Variants in RYR2 observed in about 807,000 individuals in gnomAD.
RYR2 encodes the protein cardiac muscle ryanodine receptor-calcium release channel.
A neutral mutation model predicts 601.1 loss-of-function variants in RYR2; 227 were observed. The observed-to-expected ratio is 0.38, with a 90% CI of 0.34 to 0.42. The LOEUF is 0.42. RYR2 is among the 10% of genes least tolerant of loss of function. The pLI is 1.00. For synonymous variants in RYR2, 2,223 were observed against 2,175.1 expected (o/e 1.02, Z -0.61); for missense variants, 4,646 against 6,156.5 (o/e 0.75, Z 8.21).
chr1:237,655,963 C>G lies in RYR2; in HGVS notation c.8108C>G (p.Pro2703Arg). 6.2e-7 allele frequency: 1 copy of G among 1,613,366 alleles called. No individual in the cohort carries two copies. The highest frequency in any genetic ancestry group is 8.5e-7 in the Non-Finnish European group (1 of 1,179,612). The stretch of plus-strand genomic sequence containing the variant: ...ATGGATTCTGAAGGGAACTTTAACC[C>G]ACAACCTGTTGATACCTCAAAGTAT... Reference protein sequence around the residue: ...SSMDSEGNFNPQPVDTSNITI... With the variant: ...SSMDSEGNFNRQPVDTSNITI... Residue 2703 changes from proline (P) to arginine (R), a missense_variant, in exon 53 of 105, where the codon CCA becomes CGA. This residue lies in a region of RYR2 where 1,497 missense variants were observed against 1,842.6 expected (regional missense o/e 0.81). Coordinates refer to ENST00000366574, the MANE Select transcript of RYR2 (RefSeq NM_001035.3).
chr1:237,289,242 T>G (rs1691941206), intron 2 of RYR2, among the ~76,000 whole-genome samples: 1 of 152,142 alleles, frequency 6.6e-6, no homozygotes, highest in African/African-American at 2.4e-5. Context: ...TTGCAGCTGA[T>G]CTGGGTCTAA....
Position 237,214,989 on chromosome 1 carries a change from C to T in RYR2, c.49-55508C>T, listed in dbSNP as rs142498429. On this transcript the variant is annotated intron_variant, in intron 1 of 104. Coordinates refer to ENST00000366574, the MANE Select transcript of RYR2 (RefSeq NM_001035.3). Reference sequence around the variant, plus strand: ...ATTGAGCAGGAGAAAGGAAATGACCCATGGAATGTGTTTCTCATATCACAT... The same window carrying T: ...ATTGAGCAGGAGAAAGGAAATGACCTATGGAATGTGTTTCTCATATCACAT... 6.6e-5 allele frequency among the ~76,000 whole-genome samples: 10 copies of T among 152,232 alleles called. No individual in the cohort carries two copies. The East Asian group carries it at 1.9e-3, about 29-fold the overall frequency.
chr1:237,696,902 T>C (rs1343977682), intron 63 of RYR2, among the ~76,000 whole-genome samples: 1 of 152,204 alleles, frequency 6.6e-6, no homozygotes, highest in Non-Finnish European at 1.5e-5. Context: ...AGGTCCCTAA[T>C]TATCTTCCAC....
At chr1:237,672,778 G>A (rs147118731) in intron 58 of RYR2, among the ~76,000 whole-genome samples, 40 of 152,214 alleles carry the variant, frequency 2.6e-4, no homozygotes, top group Middle Eastern at 3.4e-3. Context: ...ACAAGTGTTT[G>A]TTATTATTGT....
chr1:237,799,437 G>A (rs2149409369), intron 97 of RYR2, among the ~76,000 whole-genome samples: 1 of 152,244 alleles, frequency 6.6e-6, no homozygotes, highest in South Asian at 2.1e-4. Flanking sequence ...TAGAAGGGAA[G>A]TTTAGACTGT....
chr1:237,325,303 A>G (rs1390356332), intron 2 of RYR2, among the ~76,000 whole-genome samples: 1 of 152,222 alleles, frequency 6.6e-6, no homozygotes, highest in Non-Finnish European at 1.5e-5. Flanking sequence ...GCGTGAACCC[A>G]TTAATGGAAA....
chr1:237,654,523 C>A, intron 52 of RYR2, 109 bp downstream of exon 52: 2 of 1,045,240 alleles, frequency 1.9e-6, no homozygotes, highest in Non-Finnish European at 2.7e-6. Flanking sequence ...AACCAAGACA[C>A]GTATGGCTTG....
intron 79 of RYR2, 23 bp downstream of exon 79, chr1:237,733,779 T>C (rs1418100438): frequency 2.0e-6 from 3 of 1,495,930 alleles, no homozygotes; most frequent in Non-Finnish European, 2.8e-6. Context: ...CCTTCCTGAT[T>C]TTCATGTTTA....
chr1:237,736,986 G>GAGGT (rs141466765), intron 79 of RYR2, among the ~76,000 whole-genome samples: 1,599 of 152,220 alleles, frequency 0.011, 26 homozygotes, highest in African/African-American at 0.032. Flanking sequence ...AAGAAAGAGG[G>GAGGT]AGGTGAGAAA....
At chr1:237,803,123 G>A (rs1010726227) in intron 98 of RYR2, among the ~76,000 whole-genome samples, 41 of 152,128 alleles carry the variant, frequency 2.7e-4, no homozygotes, top group African/African-American at 9.7e-4. Flanking sequence ...TTTAGCATAA[G>A]TATGTCCCAA....
At chr1:237,121,159 T>TAA (rs1200718312) in intron 1 of RYR2, 3 of 152,088 alleles carry the variant, frequency 2.0e-5, no homozygotes, top group Non-Finnish European at 4.4e-5. Flanking sequence ...ACAGAAATGA[T>TAA]AACTATCCAA....
chr1:237,656,458 C>T (rs1308917356), intron 53 of RYR2, among the ~76,000 whole-genome samples: 1 of 152,128 alleles, frequency 6.6e-6, no homozygotes, highest in East Asian at 1.9e-4. Context: ...AAACGCAGCA[C>T]AAGATGGAAG....
chr1:237,231,608 T>C (rs1357019241), intron 1 of RYR2, among the ~76,000 whole-genome samples: 1 of 152,194 alleles, frequency 6.6e-6, no homozygotes, highest in Admixed American at 6.5e-5. Flanking sequence ...GCTAAAACTT[T>C]CTGTAAATCT....
intron 2 of RYR2, among the ~76,000 whole-genome samples, chr1:237,320,558 C>T (rs1374076167): frequency 6.6e-6 from 1 of 152,182 alleles, no homozygotes; most frequent in Non-Finnish European, 1.5e-5. Context: ...AGTCACATCT[C>T]ACAAATACAG....
chr1:237,830,454 C>A, intron 102 of RYR2, 76 bp from the exon 103 acceptor site: 2 of 849,982 alleles, frequency 2.4e-6, no homozygotes, highest in Middle Eastern at 2.2e-4. Context: ...TAATAGCTGC[C>A]CCTACATGGC....
chr1:237,582,133 G>T (rs575272181), intron 29 of RYR2, among the ~76,000 whole-genome samples: 41 of 151,732 alleles, frequency 2.7e-4, no homozygotes, highest in African/African-American at 9.9e-4. Context: ...ACAGAGTGTT[G>T]CTCTTGTTGC....
In RYR2 at chr1:237,617,270, T is replaced by C. The variant is rs1204986306; in HGVS notation, c.5716-16T>C. ...ATTTAGAAATTAAATTTGGTGTCTT[T>C]TTAATGGTCTCTTAGATGTGCCTAC... On this transcript the variant is annotated splice_polypyrimidine_tract_variant and intron_variant, in intron 37 of 104. Coordinates refer to ENST00000366574, the MANE Select transcript of RYR2 (RefSeq NM_001035.3). 1.3e-6 allele frequency: 2 copies of C among 1,592,846 alleles called. No homozygotes were observed. Among genetic ancestry groups the C allele is most frequent in the Non-Finnish European group, 1.7e-6 (2 of 1,169,360 alleles).
chr1:237,506,394 CG>C (rs1406925914), intron 22 of RYR2, among the ~76,000 whole-genome samples: 1 of 151,892 alleles, frequency 6.6e-6, no homozygotes, highest in Non-Finnish European at 1.5e-5. Flanking sequence ...AAAAATTAGC[CG>C]GGCGTAGTGG....
chr1:237,503,618 A>T (rs930805519), intron 22 of RYR2, 113 bp downstream of exon 22: 8 of 947,280 alleles, frequency 8.4e-6, no homozygotes, highest in Non-Finnish European at 8.2e-6. Context: ...ATACAGTTGT[A>T]CAGTTGACAT....
Sources: allele counts gnomAD v4.1 joint callset (sites outside exome capture counted in the v4.1 genomes callset), GRCh38; gene constraint gnomAD v4.1.1; regional missense constraint gnomAD v4.1.1; transcripts MANE v1.5; gene names NCBI Gene and HGNC (gene_info 2026-07-23, HGNC 2026-07-21).